PAX5: variants seen among roughly 807,000 people sequenced by gnomAD.
PAX5 encodes paired box 5.
PAX5 carries 9 observed loss-of-function variants against 43.7 expected under a neutral mutation model. That is an observed-to-expected ratio of 0.21 (90% CI 0.12 to 0.36). The LOEUF (loss-of-function observed/expected upper bound fraction) is 0.36. Ranked by LOEUF, PAX5 falls within the 10% of genes least tolerant of loss-of-function variation. The pLI is 1.00. For missense variants in PAX5, 383 were observed against 532.7 expected, an observed-to-expected ratio of 0.72 and a Z score of 2.77; for synonymous variants, 228 against 214.3, an observed-to-expected ratio of 1.06 and a Z score of -0.56.
intron 1 of PAX5, among the ~76,000 whole-genome samples, chr9:37,025,256 T>C (rs1312812895): frequency 1.3e-5 from 2 of 152,184 alleles, no homozygotes; most frequent in Non-Finnish European, 2.9e-5. Context: ...CAGCCAGCCC[T>C]GGCTGCCTAC....
intron 8 of PAX5, among the ~76,000 whole-genome samples, chr9:36,850,101 C>A (rs1823009036): frequency 6.6e-6 from 1 of 152,206 alleles, no homozygotes; most frequent in African/African-American, 2.4e-5. Flanking sequence ...GCATTCCAGG[C>A]ACAAGCAAAG....
chr9:36,893,608 A>G (rs1438382728), intron 7 of PAX5: 1 of 154,390 alleles, frequency 6.5e-6, no homozygotes, highest in Non-Finnish European at 1.5e-5. Context: ...TAAAAACAGC[A>G]AAATTGGAAG....
At chr9:36,962,779 C>T (rs1051268581) in intron 6 of PAX5, among the ~76,000 whole-genome samples, 4 of 152,210 alleles carry the variant, frequency 2.6e-5, no homozygotes, top group African/African-American at 9.6e-5. Context: ...GACAGCAAGG[C>T]CCCCATCCAG....
chr9:36,937,999 C>T (rs1028940880), intron 6 of PAX5, among the ~76,000 whole-genome samples: 1 of 152,214 alleles, frequency 6.6e-6, no homozygotes. Flanking sequence ...AGGTGATATT[C>T]TGGCTTCTAG....
At position 37,015,083 on chromosome 9, in the gene PAX5, G is replaced by A. The variant is rs1374970279; in HGVS notation, c.324C>T (p.Thr108=). ...KIAEYKRQNP[T]MFAWEIRDRL... Reference sequence around the variant, plus strand: ...GGTCCCTGATCTCCCAGGCAAACATGGTGGGATTTTGGCGTTTATATTCAG... The same window carrying A: ...GGTCCCTGATCTCCCAGGCAAACATAGTGGGATTTTGGCGTTTATATTCAG... Residue 108 remains threonine, a synonymous_variant, in exon 3 of 10, where the codon ACC becomes ACT. Coordinates refer to ENST00000358127, the MANE Select transcript of PAX5 (RefSeq NM_016734.3). This position sits in a 1 kb window ranked among gnomAD's most constrained non-coding sequence, Gnocchi z 4.4. 4.3e-6 allele frequency: 7 copies of A among 1,614,184 alleles called. No homozygotes were observed. The Admixed American group carries it at 8.3e-5, about 19-fold the overall frequency.
chr9:36,860,757 T>C (rs991967175), intron 8 of PAX5: 3 of 152,050 alleles, frequency 2.0e-5, no homozygotes, highest in African/African-American at 4.8e-5. Context: ...AGCTAACCAC[T>C]GAGAAGGGCT....
chr9:37,025,061 A>C (rs1432770615), intron 1 of PAX5, among the ~76,000 whole-genome samples: 1 of 152,218 alleles, frequency 6.6e-6, no homozygotes, highest in Non-Finnish European at 1.5e-5. Context: ...AGTCCGAGGC[A>C]GAAAAGGCTG....
chr9:37,020,460 C>G (rs1004044232), intron 2 of PAX5, among the ~76,000 whole-genome samples, 176 bp downstream of exon 2: 1 of 152,152 alleles, frequency 6.6e-6, no homozygotes, highest in African/African-American at 2.4e-5. Flanking sequence ...TCACTAGAGA[C>G]AGGGGTTTCC....
At chr9:36,908,705 G>A (rs1025723866) in intron 7 of PAX5, among the ~76,000 whole-genome samples, 1 of 152,208 alleles carries the variant, frequency 6.6e-6, no homozygotes, top group Admixed American at 6.5e-5. Context: ...TTAGGAAGAT[G>A]GATCACAGCA....
intron 8 of PAX5, among the ~76,000 whole-genome samples, chr9:36,863,869 G>A (rs1824489904): frequency 6.6e-6 from 1 of 152,230 alleles, no homozygotes; most frequent in South Asian, 2.1e-4. Context: ...CCAGTACTTT[G>A]GGAGGCTAAG....
At chr9:37,030,418 C>T (rs1840865937) in intron 1 of PAX5, among the ~76,000 whole-genome samples, 2 of 152,152 alleles carry the variant, frequency 1.3e-5, no homozygotes, top group African/African-American at 4.8e-5. Context: ...CGGGCTACTG[C>T]GCCTCAGTCC....
intron 2 of PAX5, among the ~76,000 whole-genome samples, chr9:37,019,910 T>A (rs1839711232): frequency 6.6e-6 from 1 of 152,170 alleles, no homozygotes. Flanking sequence ...ACTTTGCCTG[T>A]CTAGGTTTGT....
At chr9:36,964,378 C>T (rs1004039042) in intron 6 of PAX5, among the ~76,000 whole-genome samples, 2 of 151,926 alleles carry the variant, frequency 1.3e-5, no homozygotes, top group Non-Finnish European at 2.9e-5. Context: ...CACCTGAGGT[C>T]CGGAGTCCAA....
intron 8 of PAX5, among the ~76,000 whole-genome samples, chr9:36,874,504 C>T (rs1825749047): frequency 6.6e-6 from 1 of 152,216 alleles, no homozygotes; most frequent in Non-Finnish European, 1.5e-5. Context: ...TGGGAACCCA[C>T]ACCAGCCACT....
chr9:37,026,677 C>T (rs1190851524), intron 1 of PAX5: 3 of 1,328,986 alleles, frequency 2.3e-6, no homozygotes, highest in African/African-American at 1.5e-5. Context: ...AGGCACTGTG[C>T]GAGCTGGGCT....
chr9:36,939,853 G>A (rs1345812572), intron 6 of PAX5, among the ~76,000 whole-genome samples: 1 of 152,212 alleles, frequency 6.6e-6, no homozygotes, highest in Non-Finnish European at 1.5e-5. Context: ...GCGGGTGCAC[G>A]CTGGCGTCGT....
intron 6 of PAX5, among the ~76,000 whole-genome samples, chr9:36,937,691 T>C (rs953221667): frequency 1.3e-5 from 2 of 152,170 alleles, no homozygotes; most frequent in African/African-American, 4.8e-5. Context: ...TTCCTGTCTA[T>C]CCACCCCTTC....
chr9:36,922,904 C>A, intron 7 of PAX5: 1 of 165,462 alleles, frequency 6.0e-6, no homozygotes, highest in South Asian at 1.7e-4. Context: ...TTGGCATCCA[C>A]CATGCACCAT....
At chr9:36,927,486 G>A (rs566058706) in intron 6 of PAX5, among the ~76,000 whole-genome samples, 35 of 152,276 alleles carry the variant, frequency 2.3e-4, no homozygotes, top group South Asian at 1.2e-3. Flanking sequence ...AACAAAGCTC[G>A]TTCAGCCACT....
Sources: allele counts gnomAD v4.1 joint callset (sites outside exome capture counted in the v4.1 genomes callset), GRCh38; gene constraint gnomAD v4.1.1; non-coding constraint Gnocchi (gnomAD v3.1); transcripts MANE v1.5; gene names NCBI Gene and HGNC (gene_info 2026-07-23, HGNC 2026-07-21).